The following STARD13 variants were observed in gnomAD, a reference collection of about 807,000 sequenced individuals.
STARD13 encodes stAR-related lipid transfer protein 13.
In STARD13, 62 loss-of-function variants were observed where a neutral mutation model predicts 106.4. That is an observed-to-expected ratio of 0.58 (90% CI 0.48 to 0.72). STARD13 has a LOEUF of 0.72. Among genes scored for constraint, STARD13 ranks in the 30% least tolerant of loss-of-function variants. The probability of loss-of-function intolerance (pLI) is 0.00; values close to 1 mark genes in which losing one functional copy is unlikely to be tolerated. For synonymous variants in STARD13, 565 were observed against 553.0 expected, an observed-to-expected ratio of 1.02 and a Z score of -0.31; for missense variants, 1,387 against 1,424.0, an observed-to-expected ratio of 0.97 and a Z score of 0.42.
At chr13:33,403,002 G>C in the STARD13 span, among the ~76,000 whole-genome samples, 2 of 152,236 alleles carry the variant, frequency 1.3e-5, no homozygotes, top group Admixed American at 1.3e-4. Context: ...CTGGCCCTCT[G>C]CCCTTGCAAA....
intron 1 of STARD13, among the ~76,000 whole-genome samples, chr13:33,199,747 G>A (rs773035905): frequency 6.6e-6 from 1 of 152,298 alleles, no homozygotes; most frequent in Non-Finnish European, 1.5e-5. Flanking sequence ...ATGCCTCAGT[G>A]TTACATAAGG....
the STARD13 span, among the ~76,000 whole-genome samples, chr13:33,514,455 T>C: frequency 1.3e-5 from 2 of 152,048 alleles, no homozygotes; most frequent in African/African-American, 2.4e-5. Context: ...TAGTTACCAG[T>C]TGCATCTGGC....
the STARD13 span, among the ~76,000 whole-genome samples, chr13:33,434,352 CAAA>C: frequency 1.3e-4 from 9 of 70,322 alleles, no homozygotes; most frequent in Admixed American, 1.8e-4. Context: ...GACTCTGTCT[CAAA>C]AAAAAAAAAA....
intron 1 of STARD13, among the ~76,000 whole-genome samples, chr13:33,206,392 CACA>C (rs1244037525): frequency 1.2e-4 from 18 of 151,898 alleles, no homozygotes; most frequent in Non-Finnish European, 1.6e-4. Context: ...CACACACACA[CACA>C]CCCATAAATA....
At chr13:33,385,631 G>A in the STARD13 span, among the ~76,000 whole-genome samples, 7 of 151,620 alleles carry the variant, frequency 4.6e-5, no homozygotes, top group African/African-American at 1.7e-4. Flanking sequence ...AGACCGAGGA[G>A]GGCGGATCAC....
chr13:33,514,064 T>C, the STARD13 span, among the ~76,000 whole-genome samples: 48 of 152,280 alleles, frequency 3.2e-4, no homozygotes, highest in African/African-American at 1.1e-3. Context: ...AGTTAACCCA[T>C]TGATATTTAT....
At chr13:33,650,316 A>G in the STARD13 span, among the ~76,000 whole-genome samples, 11 of 146,848 alleles carry the variant, frequency 7.5e-5, no homozygotes, top group Non-Finnish European at 1.2e-4. Context: ...TCAGCCTCCC[A>G]AGTAGCTGGG....
At chr13:33,663,467 G>T in the STARD13 span, among the ~76,000 whole-genome samples, 46 of 152,146 alleles carry the variant, frequency 3.0e-4, no homozygotes, top group African/African-American at 1.0e-3. Flanking sequence ...GTAATAGTAT[G>T]CAATCAACAA....
intron 1 of STARD13, among the ~76,000 whole-genome samples, chr13:33,248,298 C>G (rs1271372815): frequency 6.6e-6 from 1 of 152,066 alleles, no homozygotes; most frequent in Non-Finnish European, 1.5e-5. Flanking sequence ...AATCCTGCCA[C>G]TGCACTCCAG....
chr13:33,633,309 G>C, the STARD13 span, among the ~76,000 whole-genome samples: 1 of 152,132 alleles, frequency 6.6e-6, no homozygotes, highest in Admixed American at 6.5e-5. Context: ...ATGAATGCTA[G>C]AGCCTCATAT....
the STARD13 span, among the ~76,000 whole-genome samples, chr13:33,622,614 C>CAAAA: frequency 4.1e-3 from 115 of 28,172 alleles, 11 homozygotes; most frequent in Non-Finnish European, 5.2e-3. Flanking sequence ...GACTCCGTCT[C>CAAAA]AAAAAAAAAA....
intron 1 of STARD13, chr13:33,205,912 C>T (rs572922956): frequency 3.0e-6 from 3 of 985,414 alleles, no homozygotes; most frequent in South Asian, 9.4e-5. Flanking sequence ...AACTGCTCCT[C>T]AGAAACTGAC....
the STARD13 span, among the ~76,000 whole-genome samples, chr13:33,487,610 T>C: frequency 6.6e-6 from 1 of 152,140 alleles, no homozygotes; most frequent in South Asian, 2.1e-4. Context: ...TGCACTCACA[T>C]CATTAGAAAG....
At chr13:33,435,534 G>T in the STARD13 span, among the ~76,000 whole-genome samples, 1 of 152,074 alleles carries the variant, frequency 6.6e-6, no homozygotes, top group African/African-American at 2.4e-5. Context: ...TGCCTCATGT[G>T]GCTGTATTAC....
At chr13:33,469,649 G>A in the STARD13 span, among the ~76,000 whole-genome samples, 1 of 152,216 alleles carries the variant, frequency 6.6e-6, no homozygotes, top group South Asian at 2.1e-4. Flanking sequence ...ATTAAAAAAG[G>A]TATTAATTGC....
chr13:33,172,984 G>A (rs182226781), intron 1 of STARD13, among the ~76,000 whole-genome samples: 7 of 151,962 alleles, frequency 4.6e-5, no homozygotes, highest in Admixed American at 3.3e-4. Flanking sequence ...GAGTGTGATC[G>A]TCATGGGATT....
At position 33,105,274 on chromosome 13, in the gene STARD13, G is replaced by A; in HGVS notation, c.*319C>T. ...TATGCTATACATACATTTATTTACAGTTAGGTATACGCTTCTTAGAAGCCT... is the reference window on the plus strand; with the variant it reads ...TATGCTATACATACATTTATTTACAATTAGGTATACGCTTCTTAGAAGCCT... On this transcript the variant is annotated 3_prime_UTR_variant, in exon 14 of 14. Transcript: ENST00000336934. The A allele has an allele frequency of 3.7e-6, 1 of 269,436 alleles. No homozygotes were observed. Among genetic ancestry groups the A allele is most frequent in the Non-Finnish European group, 7.2e-6 (1 of 138,948 alleles). The allele number at this position is 269,436 out of a possible 1,614,324, so 16.7% of individuals were successfully genotyped here.
chr13:33,600,742 T>C, the STARD13 span, among the ~76,000 whole-genome samples: 1 of 152,210 alleles, frequency 6.6e-6, no homozygotes, highest in Non-Finnish European at 1.5e-5. Context: ...AATCAGCTTT[T>C]TAAAAAAAGT....
chr13:33,582,139 G>A, the STARD13 span, among the ~76,000 whole-genome samples: 37,706 of 151,412 alleles, frequency 0.25, 5,777 homozygotes, highest in Admixed American at 0.35. Context: ...GGAGAATGGC[G>A]TGAACCCAGC....
Sources: allele counts gnomAD v4.1 joint callset (sites outside exome capture counted in the v4.1 genomes callset), GRCh38; gene constraint gnomAD v4.1.1; transcripts MANE v1.5; gene names NCBI Gene and HGNC (gene_info 2026-07-23, HGNC 2026-07-21).